Variants in COMMD10 observed in about 807,000 individuals in gnomAD.
COMMD10 encodes the protein COMM domain containing 10.
In COMMD10, 33 loss-of-function variants were observed where a neutral mutation model predicts 28.9. The observed-to-expected ratio is 1.14, with a 90% CI of 0.87 to 1.53. The LOEUF (loss-of-function observed/expected upper bound fraction) is 1.53, where lower values mean the gene tolerates loss of function less well. Ranked by LOEUF, COMMD10 falls within the 40% of genes most tolerant of loss-of-function variation. The probability of loss-of-function intolerance (pLI) is 0.00; values close to 1 mark genes in which losing one functional copy is unlikely to be tolerated. For synonymous variants in COMMD10, 110 were observed against 81.7 expected (o/e 1.35, Z -1.87); for missense variants, 310 against 233.4 (o/e 1.33, Z -2.14).
chr5:116,134,155 G>A lies in COMMD10; in HGVS notation c.487G>A (p.Gly163Arg), dbSNP rs1000102901. ...ATCTCCTCAAGCTGTGTTACAACTC[G>A]GAGTGAACAATGAAGATTCAAAGGT... ...LKSPQAVLQL[G>R]VNNEDSKSLE... Residue 163 changes from glycine to arginine, a missense_variant, in exon 5 of 7, where the codon GGA (glycine) becomes AGA (arginine). Physicochemically the swap from Gly to Arg is moderately radical, Grantham distance 125. Transcript: ENST00000274458. 9 of 1,604,000 alleles carry A rather than the reference G, an allele frequency of 5.6e-6. No individual in the cohort carries two copies. Among genetic ancestry groups the A allele is most frequent in the East Asian group, 2.2e-5 (1 of 44,848 alleles).
At chr5:116,249,465 A>G (rs1750048901) in intron 5 of COMMD10, among the ~76,000 whole-genome samples, 1 of 151,934 alleles carries the variant, frequency 6.6e-6, no homozygotes, top group Non-Finnish European at 1.5e-5. Flanking sequence ...TTAAATAAAA[A>G]AGAATTCTTA....
At chr5:116,253,357 G>T (rs1162353983) in intron 5 of COMMD10, among the ~76,000 whole-genome samples, 2 of 148,208 alleles carry the variant, frequency 1.3e-5, no homozygotes, top group Admixed American at 6.7e-5. Context: ...GTGAGAGAGG[G>T]CATCCCTGTC....
In COMMD10 at chr5:116,200,453, A is replaced by G. The variant is rs116493450; in HGVS notation, c.510+66275A>G. 8.7e-3 allele frequency among the ~76,000 whole-genome samples: 1,330 copies of G among 152,016 alleles called. 20 individuals carry two copies. The highest frequency in any genetic ancestry group is 0.026 in the South Asian group (124 of 4,822). On this transcript the variant is annotated intron_variant, in intron 5 of 6. Transcript: ENST00000274458. ...GGTGCTCTGTGAGCTTCCTGGATCT[A>G]TGGTTTCGTATCTGACATTAATCTG...
At chr5:116,170,298 T>C (rs1184165124) in intron 5 of COMMD10, among the ~76,000 whole-genome samples, 1 of 152,152 alleles carries the variant, frequency 6.6e-6, no homozygotes, top group Admixed American at 6.5e-5. Context: ...GAAAGACCTC[T>C]TCAAGGGGAA....
chr5:116,156,585 G>A (rs951477951), intron 5 of COMMD10, among the ~76,000 whole-genome samples: 1 of 151,988 alleles, frequency 6.6e-6, no homozygotes, highest in African/African-American at 2.4e-5. Flanking sequence ...AAAGTTGGGG[G>A]CCTGAAGGCC....
chr5:116,238,220 C>T (rs555958454), intron 5 of COMMD10, among the ~76,000 whole-genome samples: 11 of 152,240 alleles, frequency 7.2e-5, no homozygotes, highest in Non-Finnish European at 1.5e-5. Flanking sequence ...TTTGTAGCCA[C>T]TATAATAAAA....
At position 116,091,143 on chromosome 5, in the gene COMMD10, A is replaced by G. The variant is rs1212672819; in HGVS notation, c.197A>G (p.Gln66Arg). Reference protein sequence around the residue: ...KLQAAFSLEKQDLHLVLETIS... With the variant: ...KLQAAFSLEKRDLHLVLETIS... ...CAAGCGGCATTTTCTCTAGAGAAAC[A>G]AGATCTTCACCTAGTTCTTGAAACA... is the stretch of plus-strand genomic sequence containing the variant. Residue 66 changes from glutamine (Q) to arginine (R), a missense_variant, in exon 3 of 7, where the codon CAA becomes CGA. Physicochemically the swap from Gln to Arg is conservative, Grantham distance 43 (BLOSUM62 1). Coordinates refer to ENST00000274458, the MANE Select transcript of COMMD10 (RefSeq NM_016144.4). The G allele has an allele frequency of 6.2e-7, 1 of 1,611,400 alleles. No homozygotes were observed. The highest frequency in any genetic ancestry group is 8.5e-7 in the Non-Finnish European group (1 of 1,178,420).
chr5:116,224,576 G>A (rs540185538), intron 5 of COMMD10, among the ~76,000 whole-genome samples: 4 of 152,176 alleles, frequency 2.6e-5, no homozygotes, highest in Middle Eastern at 3.4e-3. Flanking sequence ...CCGCGGTGCC[G>A]CACTCTTTTA....
chr5:116,236,503 T>G (rs1580571301), intron 5 of COMMD10, among the ~76,000 whole-genome samples: 1 of 62,728 alleles, frequency 1.6e-5, no homozygotes, highest in African/African-American at 9.4e-5. Flanking sequence ...AGACTCCGTC[T>G]CAAAAAAAAA....
chr5:116,129,159 T>G (rs1269945443), intron 4 of COMMD10, among the ~76,000 whole-genome samples: 2 of 151,538 alleles, frequency 1.3e-5, no homozygotes, highest in Non-Finnish European at 2.9e-5. Flanking sequence ...TTGATATAAT[T>G]TATATAATTT....
At chr5:116,164,783 A>T (rs966440095) in intron 5 of COMMD10, among the ~76,000 whole-genome samples, 1 of 152,170 alleles carries the variant, frequency 6.6e-6, no homozygotes, top group African/African-American at 2.4e-5. Context: ...GGAAAAATTT[A>T]TAATGTTCTT....
chr5:116,189,631 C>G (rs1004718382), intron 5 of COMMD10, among the ~76,000 whole-genome samples: 1 of 152,178 alleles, frequency 6.6e-6, no homozygotes, highest in Non-Finnish European at 1.5e-5. Flanking sequence ...TAATCCCTAG[C>G]TGTTTGGCAA....
chr5:116,255,216 G>T (rs1750247734), intron 5 of COMMD10, among the ~76,000 whole-genome samples: 1 of 151,692 alleles, frequency 6.6e-6, no homozygotes, highest in Non-Finnish European at 1.5e-5. Context: ...TGGGTTTCCT[G>T]AACACAGCAC....
chr5:116,191,278 G>A (rs887924797), intron 5 of COMMD10, among the ~76,000 whole-genome samples: 15 of 152,098 alleles, frequency 9.9e-5, no homozygotes, highest in Non-Finnish European at 1.8e-4. Context: ...AATTTGAATG[G>A]GGTGAGAAGC....
chr5:116,105,537 C>T (rs1371607053), intron 4 of COMMD10, among the ~76,000 whole-genome samples: 1 of 152,138 alleles, frequency 6.6e-6, no homozygotes, highest in Non-Finnish European at 1.5e-5. Flanking sequence ...GGAATGGTAC[C>T]AGCTTCTCTT....
intron 5 of COMMD10, among the ~76,000 whole-genome samples, chr5:116,137,532 A>G (rs888384097): frequency 6.6e-6 from 1 of 152,048 alleles, no homozygotes; most frequent in African/African-American, 2.4e-5. Flanking sequence ...ATATACATAT[A>G]TTAAACTACT....
At chr5:116,186,696 G>T (rs947751716) in intron 5 of COMMD10, among the ~76,000 whole-genome samples, 7 of 152,134 alleles carry the variant, frequency 4.6e-5, no homozygotes, top group Admixed American at 2.6e-4. Context: ...TATAGGACTG[G>T]AGAGGGGAGC....
chr5:116,148,647 T>C (rs183539994), intron 5 of COMMD10, among the ~76,000 whole-genome samples: 182 of 151,904 alleles, frequency 1.2e-3, no homozygotes, highest in Non-Finnish European at 2.1e-3. Flanking sequence ...ATTCTTTTTT[T>C]TTTCTTTTCT....
At chr5:116,188,813 A>G (rs1748243536) in intron 5 of COMMD10, among the ~76,000 whole-genome samples, 1 of 151,836 alleles carries the variant, frequency 6.6e-6, no homozygotes, top group South Asian at 2.1e-4. Flanking sequence ...ATTTTTTTGT[A>G]GAGAGGGGGT....
Sources: allele counts gnomAD v4.1 joint callset (sites outside exome capture counted in the v4.1 genomes callset), GRCh38; gene constraint gnomAD v4.1.1; transcripts MANE v1.5; gene names NCBI Gene and HGNC (gene_info 2026-07-23, HGNC 2026-07-21).